The following CPPED1 variants were observed in gnomAD, a reference collection of about 807,000 sequenced individuals.
CPPED1 encodes serine/threonine-protein phosphatase CPPED1.
In CPPED1, 28 loss-of-function variants were observed where a neutral mutation model predicts 28.0. The ratio of observed to expected loss-of-function variants is 1.00; its 90% CI spans 0.74 to 1.37. CPPED1 has a LOEUF of 1.37. Among genes scored for constraint, CPPED1 ranks in the 40% most tolerant of loss-of-function variants. The pLI is 0.00. For synonymous variants in CPPED1, 198 were observed against 180.2 expected, an observed-to-expected ratio of 1.10 and a Z score of -0.79; for missense variants, 504 against 416.5, an observed-to-expected ratio of 1.21 and a Z score of -1.83.
intron 3 of CPPED1, among the ~76,000 whole-genome samples, chr16:12,687,026 T>C (rs1307505581): frequency 3.3e-5 from 5 of 152,196 alleles, no homozygotes; most frequent in African/African-American, 1.2e-4. Flanking sequence ...GAATGCTTCT[T>C]ACATTTCTAT....
Position 12,781,358 on chromosome 16 carries a change from G to C in CPPED1, c.116C>G (p.Ala39Gly), listed in dbSNP as rs1372654425. ...WKGPFYFILG[A>G]DPQFGLIKAW... ...CTTGATCAGCCCAAACTGTGGGTCTGCGCCCAGGATGAAGTAGAATGGGCC... is the reference window on the plus strand; with the variant it reads ...CTTGATCAGCCCAAACTGTGGGTCTCCGCCCAGGATGAAGTAGAATGGGCC... Residue 39 changes from alanine to glycine, a missense_variant, in exon 2 of 4, where the codon GCA becomes GGA. Transcript: ENST00000381774. 1 of 1,614,162 alleles carries C rather than the reference G, an allele frequency of 6.2e-7. No homozygotes were observed. The highest frequency in any genetic ancestry group is 1.7e-5 in the Admixed American group (1 of 60,014).
At chr16:12,717,716 C>G (rs931318177) in intron 2 of CPPED1, among the ~76,000 whole-genome samples, 9 of 152,092 alleles carry the variant, frequency 5.9e-5, no homozygotes, top group Non-Finnish European at 1.0e-4. Context: ...ATCTTGGCTC[C>G]CTACAACCTC....
intron 1 of CPPED1, among the ~76,000 whole-genome samples, chr16:12,788,222 A>G (rs1322818903): frequency 6.6e-6 from 1 of 152,166 alleles, no homozygotes; most frequent in East Asian, 1.9e-4. Context: ...GCTCATTACA[A>G]TCAAGTTACC....
intron 2 of CPPED1, among the ~76,000 whole-genome samples, chr16:12,769,504 G>A (rs971995838): frequency 2.6e-5 from 4 of 152,152 alleles, no homozygotes; most frequent in African/African-American, 9.7e-5. Context: ...GGCAGGGGTG[G>A]AAGGGCGATC....
chr16:12,696,366 G>A (rs914259597), intron 3 of CPPED1, among the ~76,000 whole-genome samples: 7 of 151,980 alleles, frequency 4.6e-5, no homozygotes, highest in Admixed American at 1.3e-4. Flanking sequence ...AAACGGTTCG[G>A]GATCATACAG....
intron 2 of CPPED1, among the ~76,000 whole-genome samples, chr16:12,746,934 AG>A (rs1269981835): frequency 1.3e-5 from 2 of 152,106 alleles, no homozygotes; most frequent in East Asian, 3.8e-4. Flanking sequence ...AAGTGGGATC[AG>A]GAAAAATAAT....
chr16:12,664,578 A>C lies in CPPED1; in HGVS notation c.*308T>G, dbSNP rs1189407523. On this transcript the variant is annotated 3_prime_UTR_variant, in exon 4 of 4. Coordinates refer to ENST00000381774, the MANE Select transcript of CPPED1 (RefSeq NM_018340.3). The surrounding 1 kb of genome is among the most constrained non-coding windows in gnomAD (Gnocchi z 4.2). ...TTTGACCATATGCTAACCAGAATAC[A>C]ATCCAATTCAAAAGTGGAGTTGAGA... 2 of 1,178,388 alleles carry C rather than the reference A, an allele frequency of 1.7e-6. No homozygotes were observed. The highest frequency in any genetic ancestry group is 3.3e-5 in the African/African-American group (2 of 60,818). The allele number at this position is 1,178,388 out of a possible 1,614,324, so 73.0% of individuals were successfully genotyped here. A position where few individuals can be genotyped will look rare whatever the true frequency, so the allele number is the denominator to read the frequency against.
chr16:12,726,137 G>A (rs1246988298), intron 2 of CPPED1, among the ~76,000 whole-genome samples: 1 of 151,060 alleles, frequency 6.6e-6, no homozygotes, highest in Non-Finnish European at 1.5e-5. Flanking sequence ...TGCCTCCTGG[G>A]TTCAAACGAT....
chr16:12,768,815 G>C (rs2080453607), intron 2 of CPPED1, among the ~76,000 whole-genome samples: 1 of 150,836 alleles, frequency 6.6e-6, no homozygotes, highest in South Asian at 2.1e-4. Flanking sequence ...CATCACACTT[G>C]TTGCAGATTA....
Position 12,664,652 on chromosome 16 carries a change from A to C in CPPED1, c.*234T>G. On this transcript the variant is annotated 3_prime_UTR_variant, in exon 4 of 4. Coordinates refer to ENST00000381774, the MANE Select transcript of CPPED1 (RefSeq NM_018340.3). This position sits in a 1 kb window ranked among gnomAD's most constrained non-coding sequence, Gnocchi z 4.2. ...TCAAACATCCATGCAGAGATAGTCT[A>C]ATATTTTAAAAACTGATTTCCAGGA... The C allele has an allele frequency of 7.4e-7, 1 of 1,355,672 alleles. No individual in the cohort carries two copies. Among genetic ancestry groups the C allele is most frequent in the Non-Finnish European group, 9.4e-7 (1 of 1,062,084 alleles). 84.0% of individuals were successfully genotyped at this position (1,355,672 alleles called of 1,614,324 possible).
chr16:12,800,709 C>G (rs1243558781), intron 1 of CPPED1, among the ~76,000 whole-genome samples: 1 of 152,156 alleles, frequency 6.6e-6, no homozygotes, highest in Non-Finnish European at 1.5e-5. Context: ...CAGCCCACAC[C>G]ATGTCCCAAC....
In CPPED1 at chr16:12,803,830, G is replaced by A; in HGVS notation, c.-54C>T. The A allele has an allele frequency of 6.6e-7, 1 of 1,506,682 alleles. No individual in the cohort carries two copies. The highest frequency in any genetic ancestry group is 9.0e-7 in the Non-Finnish European group (1 of 1,108,850). 93.3% of individuals were successfully genotyped at this position (1,506,682 alleles called of 1,614,324 possible). A position where few individuals can be genotyped will look rare whatever the true frequency, so the allele number is the denominator to read the frequency against. On this transcript the variant is annotated 5_prime_UTR_variant, in exon 1 of 4. Coordinates refer to ENST00000381774, the MANE Select transcript of CPPED1 (RefSeq NM_018340.3). ...AACACTGCGTGGGTGGAAGCCGCGC[G>A]ACTTCACACAGAACAACCGCTGGAC... is the stretch of plus-strand genomic sequence containing the variant.
Position 12,664,492 on chromosome 16 carries a change from T to C in CPPED1, c.*394A>G. 9.5e-7 allele frequency: 1 copy of C among 1,053,298 alleles called. No homozygotes were observed. The highest frequency in any genetic ancestry group is 1.1e-6 in the Non-Finnish European group (1 of 873,442). The allele number at this position is 1,053,298 out of a possible 1,614,324, so 65.2% of individuals were successfully genotyped here. On this transcript the variant is annotated 3_prime_UTR_variant, in exon 4 of 4. Transcript: ENST00000381774. The surrounding 1 kb of genome is among the most constrained non-coding windows in gnomAD (Gnocchi z 4.2). ...TTTAATACAATCAGGTGTAGTTTGT[T>C]TAAGGAATTATCAAAGATCATACTT...
At chr16:12,747,690 T>G (rs972281594) in intron 2 of CPPED1, among the ~76,000 whole-genome samples, 5 of 152,134 alleles carry the variant, frequency 3.3e-5, no homozygotes, top group Non-Finnish European at 7.3e-5. Flanking sequence ...AGTGCTAGAA[T>G]TACAGGCATG....
chr16:12,794,874 T>A (rs2080617544), intron 1 of CPPED1, among the ~76,000 whole-genome samples: 1 of 152,166 alleles, frequency 6.6e-6, no homozygotes, highest in Non-Finnish European at 1.5e-5. Flanking sequence ...CCTTCCAAAA[T>A]CTTTATCTGC....
At chr16:12,720,836 TAAAC>T (rs761944584) in intron 2 of CPPED1, among the ~76,000 whole-genome samples, 12 of 152,234 alleles carry the variant, frequency 7.9e-5, no homozygotes, top group Non-Finnish European at 1.5e-5. Flanking sequence ...TCAACACAAA[TAAAC>T]AAAATTATAT....
chr16:12,671,711 T>C lies in CPPED1; in HGVS notation c.716-6596A>G, dbSNP rs538062543. Among the ~76,000 whole-genome samples the C allele has an allele frequency of 1.1e-4, 16 of 152,362 alleles. No homozygotes were observed. The East Asian group carries it at 3.1e-3, about 29-fold the overall frequency. ...AACGCCATATATGAAGGTGGTCCCA[T>C]AAGATTATAATGCTGTATTTTCACT... On this transcript the variant is annotated intron_variant, in intron 3 of 3. Transcript: ENST00000381774.
intron 1 of CPPED1, among the ~76,000 whole-genome samples, chr16:12,798,709 C>A (rs2080641381): frequency 6.6e-6 from 1 of 152,188 alleles, no homozygotes; most frequent in African/African-American, 2.4e-5. Flanking sequence ...AATTAAGTCA[C>A]TTTAAAAGCA....
chr16:12,799,819 C>T (rs565470847), intron 1 of CPPED1, among the ~76,000 whole-genome samples: 15 of 152,344 alleles, frequency 9.8e-5, no homozygotes, highest in South Asian at 4.1e-4. Context: ...CGTTAAATGA[C>T]CCATCCTGGG....
Sources: allele counts gnomAD v4.1 joint callset (sites outside exome capture counted in the v4.1 genomes callset), GRCh38; gene constraint gnomAD v4.1.1; non-coding constraint Gnocchi (gnomAD v3.1); transcripts MANE v1.5; gene names NCBI Gene and HGNC (gene_info 2026-07-23, HGNC 2026-07-21).